The following TMC1 variants were observed in gnomAD, a reference collection of about 807,000 sequenced individuals.
TMC1 encodes the protein transmembrane channel like 1, also known as transmembrane channel-like protein 1.
In TMC1, 84 loss-of-function variants were observed where a neutral mutation model predicts 105.8. The ratio of observed to expected loss-of-function variants is 0.79; its 90% confidence interval spans 0.67 to 0.95. TMC1 has a LOEUF of 0.95. Ranked by LOEUF, TMC1 falls within the 40% of genes least tolerant of loss-of-function variation. The pLI, the probability that TMC1 is intolerant of heterozygous loss-of-function variation, is 0.00. For missense variants in TMC1, 817 were observed against 914.1 expected (o/e 0.89, Z 1.37); for synonymous variants, 315 against 311.5 (o/e 1.01, Z -0.12).
chr9:72,760,644 C>T (rs890148437), intron 12 of TMC1, among the ~76,000 whole-genome samples: 3 of 152,044 alleles, frequency 2.0e-5, no homozygotes, highest in Admixed American at 1.3e-4. Context: ...GATCAGCTGA[C>T]CTTGGACAGA....
chr9:72,741,211 TA>T, intron 9 of TMC1: 1 of 174,750 alleles, frequency 5.7e-6, no homozygotes. Flanking sequence ...CAATGACTGT[TA>T]AAATGGCTGG....
intron 5 of TMC1, among the ~76,000 whole-genome samples, chr9:72,676,554 A>AG (rs1427001963): frequency 6.6e-6 from 1 of 152,166 alleles, no homozygotes; most frequent in Non-Finnish European, 1.5e-5. Flanking sequence ...GGGAGTTTAA[A>AG]TAAATTAGCC....
rs151126272 is a variant in TMC1 at position 72,654,325 on chromosome 9, A to G, written c.16+5661A>G. ...GCCTTTTGAGAAAATGTGTAGTGGT[A>G]CTTCATTGTAGTTTTAGTTCGCACT... On this transcript the variant is annotated intron_variant, in intron 5 of 23. Transcript: ENST00000297784. Among the ~76,000 whole-genome samples, 133 of 152,326 alleles carry G rather than the reference A, an allele frequency of 8.7e-4. 2 individuals are homozygous for G. The East Asian group carries it at 0.023, about 26-fold the overall frequency.
At chr9:72,608,133 G>T (rs1824956514) in intron 2 of TMC1, among the ~76,000 whole-genome samples, 1 of 152,078 alleles carries the variant, frequency 6.6e-6, no homozygotes, top group African/African-American at 2.4e-5. Flanking sequence ...TTTTTTGTGT[G>T]GCTCTGCCTG....
intron 18 of TMC1, among the ~76,000 whole-genome samples, chr9:72,807,043 C>T (rs1302866338): frequency 6.6e-6 from 1 of 152,244 alleles, no homozygotes. Context: ...TGGCGGATCA[C>T]TTGCGGTTTG....
At chr9:72,587,677 G>T (rs900048031) in intron 2 of TMC1, among the ~76,000 whole-genome samples, 2 of 152,078 alleles carry the variant, frequency 1.3e-5, no homozygotes, top group Non-Finnish European at 2.9e-5. Context: ...AAAAGCTTCT[G>T]CCCAGAATTG....
chr9:72,615,245 G>A lies in TMC1; in HGVS notation c.-305-1123G>A, dbSNP rs959852956. ...TTTTAATTCTCCTGGTAAACTGGAG[G>A]GGTGTGCAATTATTGTCATCTCCAT... On this transcript the variant is annotated intron_variant, in intron 2 of 23. Coordinates refer to ENST00000297784, the MANE Select transcript of TMC1 (RefSeq NM_138691.3). Among the ~76,000 whole-genome samples the A allele has an allele frequency of 3.3e-5, 5 of 152,078 alleles. No individual in the cohort carries two copies. In the South Asian group the frequency reaches 8.3e-4, roughly 25 times the overall value.
Position 72,708,960 on chromosome 9 carries a change from A to T in TMC1, c.362+8317A>T, listed in dbSNP as rs1440423985. ...CGATTTTGCTGAGGGTTTTAATCAAAATGGGATGCTGGTTTTTGTCAAATG... is the reference window on the plus strand; with the variant it reads ...CGATTTTGCTGAGGGTTTTAATCAATATGGGATGCTGGTTTTTGTCAAATG... On this transcript the variant is annotated intron_variant, in intron 8 of 23. Coordinates refer to ENST00000297784, the MANE Select transcript of TMC1 (RefSeq NM_138691.3). Among the ~76,000 whole-genome samples the T allele has an allele frequency of 3.3e-5, 5 of 151,476 alleles. No individual in the cohort carries two copies. In the East Asian group the frequency reaches 9.7e-4, roughly 30 times the overall value.
At chr9:72,768,872 T>TG (rs1366242531) in intron 12 of TMC1, among the ~76,000 whole-genome samples, 1 of 152,156 alleles carries the variant, frequency 6.6e-6, no homozygotes, top group African/African-American at 2.4e-5. Flanking sequence ...AGATATCAGG[T>TG]GGGGGGTGAC....
chr9:72,639,550 T>C (rs1405279287), intron 4 of TMC1, among the ~76,000 whole-genome samples: 3 of 152,208 alleles, frequency 2.0e-5, no homozygotes, highest in Non-Finnish European at 4.4e-5. Flanking sequence ...GCAGAAGTTG[T>C]ATCTGGATAT....
At chr9:72,659,740 G>A (rs999800339) in intron 5 of TMC1, among the ~76,000 whole-genome samples, 4 of 152,190 alleles carry the variant, frequency 2.6e-5, no homozygotes, top group African/African-American at 9.7e-5. Context: ...ATAGTTAGTA[G>A]GGCACATAGC....
chr9:72,655,792 TAA>T, intron 5 of TMC1: 1 of 601,208 alleles, frequency 1.7e-6, no homozygotes, highest in Non-Finnish European at 3.0e-6. Context: ...CATTTTTTTT[TAA>T]TTTTTCAACT....
intron 8 of TMC1, among the ~76,000 whole-genome samples, chr9:72,704,385 A>G (rs958114371): frequency 6.6e-6 from 1 of 152,216 alleles, no homozygotes; most frequent in Non-Finnish European, 1.5e-5. Flanking sequence ...ATTTTAGAGT[A>G]AGCCTCAGGA....
chr9:72,746,540 A>G (rs1827492387), intron 10 of TMC1, among the ~76,000 whole-genome samples: 1 of 151,992 alleles, frequency 6.6e-6, no homozygotes, highest in Non-Finnish European at 1.5e-5. Context: ...CTCTCTGCTC[A>G]GTATCTAGAT....
At chr9:72,655,623 T>C (rs1825871332) in intron 5 of TMC1, among the ~76,000 whole-genome samples, 1 of 151,894 alleles carries the variant, frequency 6.6e-6, no homozygotes, top group Non-Finnish European at 1.5e-5. Flanking sequence ...GCGCCTGTAG[T>C]CCCAGCTACT....
At chr9:72,773,229 A>G (rs1214005349) in intron 13 of TMC1, among the ~76,000 whole-genome samples, 1 of 152,182 alleles carries the variant, frequency 6.6e-6, no homozygotes. Flanking sequence ...ATATTAAAAA[A>G]ATGACCCTTT....
rs973337715 is a variant in TMC1, at chr9:72,793,146, C to T, written c.1566+794C>T. On this transcript the variant is annotated intron_variant, in intron 17 of 23. Transcript: ENST00000297784. Reference sequence around the variant, plus strand: ...GCAGCCACTTAAGCACATGCAGAGACCCGGGAGCCTTAGATACCTGGGCTT... The same window carrying T: ...GCAGCCACTTAAGCACATGCAGAGATCCGGGAGCCTTAGATACCTGGGCTT... Among the ~76,000 whole-genome samples, 5 of 152,148 alleles carry T rather than the reference C, an allele frequency of 3.3e-5. No homozygotes were observed. The South Asian group carries it at 1.0e-3, about 32-fold the overall frequency.
chr9:72,732,622 C>T (rs987100489), intron 8 of TMC1, among the ~76,000 whole-genome samples: 1 of 151,702 alleles, frequency 6.6e-6, no homozygotes, highest in Non-Finnish European at 1.5e-5. Context: ...CATCATTTAC[C>T]TGGTGTGCCA....
chr9:72,830,242 A>G (rs962729787), intron 21 of TMC1, among the ~76,000 whole-genome samples: 1 of 152,014 alleles, frequency 6.6e-6, no homozygotes, highest in African/African-American at 2.4e-5. Context: ...TTCCAACTTC[A>G]CCCCAGCTTC....
Sources: allele counts gnomAD v4.1 joint callset (sites outside exome capture counted in the v4.1 genomes callset), GRCh38; gene constraint gnomAD v4.1.1; transcripts MANE v1.5; gene names NCBI Gene and HGNC (gene_info 2026-07-23, HGNC 2026-07-21).